The following C16orf74 variants were observed in gnomAD, a reference collection of about 807,000 sequenced individuals.
C16orf74 encodes calcimembrin.
C16orf74 carries 10 observed loss-of-function variants against 6.5 expected under a neutral mutation model. The ratio of observed to expected loss-of-function variants is 1.54; its 90% CI spans 0.95 to 2.61. The LOEUF is 2.61. C16orf74 is among the 30% of genes most tolerant of loss of function. The pLI is 0.00. For synonymous variants in C16orf74, 60 were observed against 42.5 expected, an observed-to-expected ratio of 1.41 and a Z score of -1.60; for missense variants, 141 against 105.9, an observed-to-expected ratio of 1.33 and a Z score of -1.45.
chr16:85,744,844 A>AAAC (rs1567814242), intron 1 of C16orf74, among the ~76,000 whole-genome samples: 7 of 139,190 alleles, frequency 5.0e-5, no homozygotes, highest in Non-Finnish European at 9.2e-5. Context: ...AAAAAAAAAA[A>AAAC]AAAAAACTCT....
rs751825593 is a variant in C16orf74, at chr16:85,710,272, G to GGCTGCT, written c.58_63dup (p.Ser20_Ser21dup). The GGCTGCT allele has an allele frequency of 1.0e-4, 158 of 1,509,922 alleles. No homozygotes were observed. The highest frequency in any genetic ancestry group is 1.3e-4 in the Non-Finnish European group (145 of 1,138,330). The allele number at this position is 1,509,922 out of a possible 1,614,324, so 93.5% of individuals were successfully genotyped here. A position where few individuals can be genotyped will look rare whatever the true frequency, so the allele number is the denominator to read the frequency against. On this transcript the variant is annotated inframe_insertion, in exon 3 of 4. Transcript: ENST00000284245. ...TCGTTCAGGACGGGGGCCTCGTCGTGGCTGCTGCTGCTGCTGCTGACACAC... is the reference window on the plus strand; with the variant it reads ...TCGTTCAGGACGGGGGCCTCGTCGTGGCTGCTGCTGCTGCTGCTGCTGCTGACACAC...
chr16:85,719,831 ATAGGGG>A (rs1287000431), intron 2 of C16orf74, among the ~76,000 whole-genome samples: 116 of 149,368 alleles, frequency 7.8e-4, no homozygotes, highest in African/African-American at 2.8e-3. Flanking sequence ...AGGCAGGAAC[ATAGGGG>A]CCACAGGCCA....
intron 3 of C16orf74, 38 bp downstream of exon 3, chr16:85,710,126 C>A: frequency 7.2e-7 from 1 of 1,379,698 alleles, no homozygotes; most frequent in Non-Finnish European, 9.3e-7. Context: ...CGGGCCCCCA[C>A]AGCCGACCCG....
intron 2 of C16orf74, among the ~76,000 whole-genome samples, chr16:85,729,138 T>A (rs929139591): frequency 3.9e-5 from 6 of 152,282 alleles, no homozygotes; most frequent in Admixed American, 2.0e-4. Flanking sequence ...CCTTTCCCCT[T>A]CCGTCTGTGG....
At chr16:85,735,911 C>T (rs987523329) in intron 1 of C16orf74, among the ~76,000 whole-genome samples, 14 of 152,124 alleles carry the variant, frequency 9.2e-5, no homozygotes, top group African/African-American at 2.2e-4. Context: ...GTAACAGCCC[C>T]GCAAGGTACT....
Position 85,707,949 on chromosome 16 carries a change from G to C in C16orf74, c.*59C>G, listed in dbSNP as rs1375292349. The C allele has an allele frequency of 1.4e-6, 2 of 1,470,914 alleles. No individual in the cohort carries two copies. The highest frequency in any genetic ancestry group is 2.5e-5 in the East Asian group (1 of 40,564). The allele number at this position is 1,470,914 out of a possible 1,614,324, so 91.1% of individuals were successfully genotyped here. On this transcript the variant is annotated 3_prime_UTR_variant, in exon 4 of 4. Coordinates refer to ENST00000284245, the MANE Select transcript of C16orf74 (RefSeq NM_206967.3). ...ACCTGCTCCAGGCAGCCACGCCCCCGGACACCTGAAGCCGGGCCGCTGGAG... is the reference window on the plus strand; with the variant it reads ...ACCTGCTCCAGGCAGCCACGCCCCCCGACACCTGAAGCCGGGCCGCTGGAG...
At chr16:85,708,481 G>A (rs1236724776) in intron 3 of C16orf74, among the ~76,000 whole-genome samples, 4 of 152,166 alleles carry the variant, frequency 2.6e-5, no homozygotes, top group Admixed American at 6.5e-5. Context: ...AGACAGTACT[G>A]GGGTGCAGGA....
intron 2 of C16orf74, among the ~76,000 whole-genome samples, chr16:85,720,149 A>G (rs1190280932): frequency 6.6e-6 from 1 of 151,734 alleles, no homozygotes; most frequent in Non-Finnish European, 1.5e-5. Flanking sequence ...GAGGCATCCC[A>G]GGCCCGATAG....
intron 1 of C16orf74, among the ~76,000 whole-genome samples, chr16:85,742,698 C>G (rs2054323228): frequency 1.3e-5 from 2 of 152,112 alleles, no homozygotes; most frequent in African/African-American, 4.8e-5. Context: ...TGCGCCACCA[C>G]ACCCGGCTAA....
intron 1 of C16orf74, among the ~76,000 whole-genome samples, chr16:85,741,959 G>C (rs1598807792): frequency 6.6e-6 from 1 of 152,270 alleles, no homozygotes; most frequent in Middle Eastern, 3.4e-3. Context: ...CAGAACACTG[G>C]GCCTGATGGG....
In C16orf74 at chr16:85,707,934, G is replaced by T; in HGVS notation, c.*74C>A. 2 of 1,344,866 alleles carry T rather than the reference G, an allele frequency of 1.5e-6. No individual in the cohort carries two copies. The highest frequency in any genetic ancestry group is 2.1e-6 in the Non-Finnish European group (2 of 965,914). 83.3% of individuals were successfully genotyped at this position (1,344,866 alleles called of 1,614,324 possible). On this transcript the variant is annotated 3_prime_UTR_variant, in exon 4 of 4. Coordinates refer to ENST00000284245, the MANE Select transcript of C16orf74 (RefSeq NM_206967.3). ...CAGGGTATTCAGCACACCTGCTCCA[G>T]GCAGCCACGCCCCCGGACACCTGAA...
At chr16:85,714,878 C>T (rs940124649) in intron 2 of C16orf74, among the ~76,000 whole-genome samples, 5 of 148,450 alleles carry the variant, frequency 3.4e-5, no homozygotes, top group East Asian at 2.1e-4. Context: ...ACATTTCAGC[C>T]GGGTGCGGTG....
intron 2 of C16orf74, among the ~76,000 whole-genome samples, chr16:85,716,695 G>C (rs918189047): frequency 6.0e-5 from 9 of 150,448 alleles, no homozygotes; most frequent in African/African-American, 2.2e-4. Flanking sequence ...AGGCGAGAGG[G>C]AGGAGGAAGG....
chr16:85,735,128 G>T, intron 2 of C16orf74, 62 bp downstream of exon 2: 1 of 1,499,892 alleles, frequency 6.7e-7, no homozygotes, highest in Non-Finnish European at 9.1e-7. Flanking sequence ...CCTCTCTCCT[G>T]CCCCCCAACC....
intron 1 of C16orf74, among the ~76,000 whole-genome samples, chr16:85,750,719 T>A (rs2054428236): frequency 6.6e-6 from 1 of 152,074 alleles, no homozygotes; most frequent in East Asian, 1.9e-4. Flanking sequence ...CGGGCCAAGT[T>A]TCCCAAAGCC....
chr16:85,732,001 T>G (rs543944073), intron 2 of C16orf74, among the ~76,000 whole-genome samples: 1 of 152,190 alleles, frequency 6.6e-6, no homozygotes, highest in Non-Finnish European at 1.5e-5. Flanking sequence ...GCAGATGTAA[T>G]TGAGTTAAGG....
chr16:85,745,549 G>C (rs1200228273), intron 1 of C16orf74, among the ~76,000 whole-genome samples: 1 of 152,098 alleles, frequency 6.6e-6, no homozygotes, highest in South Asian at 2.1e-4. Flanking sequence ...AGAAACTCCT[G>C]CTGGCTGGAG....
intron 2 of C16orf74, among the ~76,000 whole-genome samples, chr16:85,715,156 CAAAA>C (rs59013269): frequency 8.8e-5 from 11 of 125,508 alleles, no homozygotes; most frequent in Non-Finnish European, 8.5e-5. Context: ...GACTCCGTCT[CAAAA>C]AAAAAAAAAA....
chr16:85,724,710 G>A lies in C16orf74; in HGVS notation c.28+10480C>T, dbSNP rs114649948. 7.4e-3 allele frequency among the ~76,000 whole-genome samples: 1,124 copies of A among 152,298 alleles called. 14 individuals carry two copies. The highest frequency in any genetic ancestry group is 0.026 in the African/African-American group (1,078 of 41,550). On this transcript the variant is annotated intron_variant, in intron 2 of 3. Transcript: ENST00000284245. ...TGGGGATGACAGGGCAGCCACCCCGGCCGGCGGGAGGGTCAGTCCGAGGAG... is the reference window on the plus strand; with the variant it reads ...TGGGGATGACAGGGCAGCCACCCCGACCGGCGGGAGGGTCAGTCCGAGGAG...
Sources: gnomAD v4.1 joint callset for allele counts (sites outside exome capture counted in the v4.1 genomes callset) on GRCh38, gnomAD v4.1.1 for gene constraint, MANE v1.5 for transcripts, NCBI Gene and HGNC (gene_info 2026-07-23, HGNC 2026-07-21) for gene names.